The following GNAQ variants were observed in gnomAD, a reference collection of about 807,000 sequenced individuals.
GNAQ encodes the protein guanine nucleotide-binding protein G(q) subunit alpha.
GNAQ carries 8 observed loss-of-function variants against 43.9 expected under a neutral mutation model. That is an observed-to-expected ratio of 0.18 (90% CI 0.11 to 0.33). The LOEUF (loss-of-function observed/expected upper bound fraction) is 0.33, where lower values mean the gene tolerates loss of function less well. Ranked by LOEUF, GNAQ falls within the 10% of genes least tolerant of loss-of-function variation. The pLI is 1.00. For missense variants in GNAQ, 158 were observed against 450.8 expected (o/e 0.35, Z 5.88); for synonymous variants, 155 against 170.7 (o/e 0.91, Z 0.71).
intron 6 of GNAQ, among the ~76,000 whole-genome samples, chr9:77,727,274 T>C (rs1419544227): frequency 6.6e-6 from 1 of 152,052 alleles, no homozygotes; most frequent in African/African-American, 2.4e-5. Flanking sequence ...CACCTCAGTC[T>C]CCCAAAGTGC....
At chr9:77,992,951 TA>T in intron 1 of GNAQ, among the ~76,000 whole-genome samples, 1 of 151,984 alleles carries the variant, frequency 6.6e-6, no homozygotes, top group Non-Finnish European at 1.5e-5. Flanking sequence ...ATCTCAAAAA[TA>T]AAAAAGGAAA....
chr9:77,932,859 C>A (rs967281681), intron 1 of GNAQ, among the ~76,000 whole-genome samples: 30 of 151,942 alleles, frequency 2.0e-4, no homozygotes, highest in African/African-American at 7.2e-4. Context: ...GTAGGGTATT[C>A]CAACAATCAA....
At chr9:77,749,178 C>G (rs1477717409) in intron 5 of GNAQ, among the ~76,000 whole-genome samples, 1 of 152,214 alleles carries the variant, frequency 6.6e-6, no homozygotes, top group Non-Finnish European at 1.5e-5. Context: ...GGCATTTTCT[C>G]TCTCCCCCTG....
intron 2 of GNAQ, among the ~76,000 whole-genome samples, chr9:77,832,295 G>A (rs1270296796): frequency 6.6e-6 from 1 of 152,144 alleles, no homozygotes; most frequent in Non-Finnish European, 1.5e-5. Context: ...CAGATGTCCA[G>A]TAACAAAGTT....
At chr9:77,871,184 A>G (rs1402741470) in intron 2 of GNAQ, among the ~76,000 whole-genome samples, 2 of 152,248 alleles carry the variant, frequency 1.3e-5, no homozygotes, top group African/African-American at 4.8e-5. Context: ...TATTACAATT[A>G]CACATGATAG....
chr9:77,891,564 G>T (rs939928962), intron 2 of GNAQ, among the ~76,000 whole-genome samples: 2 of 152,134 alleles, frequency 1.3e-5, no homozygotes, highest in African/African-American at 4.8e-5. Flanking sequence ...TGTATTATAC[G>T]ATTGTCATCT....
At chr9:77,854,238 T>TA (rs548447687) in intron 2 of GNAQ, among the ~76,000 whole-genome samples, 1 of 152,194 alleles carries the variant, frequency 6.6e-6, no homozygotes, top group Non-Finnish European at 1.5e-5. Flanking sequence ...AAAAGACTAT[T>TA]AAAGATACAA....
chr9:77,823,218 C>T (rs1827143378), intron 2 of GNAQ, among the ~76,000 whole-genome samples: 1 of 152,064 alleles, frequency 6.6e-6, no homozygotes, highest in Admixed American at 6.5e-5. Flanking sequence ...GGATTACAGG[C>T]GTGAGCCACC....
rs563301230 is a variant in GNAQ, at chr9:77,979,271, G to A, written c.136+51829C>T. Among the ~76,000 whole-genome samples, 6 of 151,616 alleles carry A rather than the reference G, an allele frequency of 4.0e-5. No individual in the cohort carries two copies. In the East Asian group the frequency reaches 1.2e-3, roughly 29 times the overall value. On this transcript the variant is annotated intron_variant, in intron 1 of 6. Transcript: ENST00000286548. ...CTCGGGACGCTGAGGCTGGAGAATTGCTTGAACACAGGAGGTAGAGGTTGC... is the reference window on the plus strand; with the variant it reads ...CTCGGGACGCTGAGGCTGGAGAATTACTTGAACACAGGAGGTAGAGGTTGC...
At chr9:77,751,369 T>C (rs1025191644) in intron 5 of GNAQ, among the ~76,000 whole-genome samples, 1 of 152,204 alleles carries the variant, frequency 6.6e-6, no homozygotes, top group Non-Finnish European at 1.5e-5. Flanking sequence ...ATTGAATACA[T>C]GGGCCTGAAA....
chr9:77,964,817 C>T (rs1288857602), intron 1 of GNAQ, among the ~76,000 whole-genome samples: 1 of 151,968 alleles, frequency 6.6e-6, no homozygotes, highest in East Asian at 1.9e-4. Context: ...TAGGTAGTAC[C>T]AGACACCTGT....
chr9:77,814,983 A>G (rs572316201), intron 3 of GNAQ, among the ~76,000 whole-genome samples: 2 of 152,358 alleles, frequency 1.3e-5, no homozygotes, highest in South Asian at 4.1e-4. Flanking sequence ...GAGAAGTAAT[A>G]GATTTCTAGG....
In GNAQ at chr9:78,011,170, T is replaced by C. The variant is rs551859095; in HGVS notation, c.136+19930A>G. ...AGGACAAACAGAATCAGTTGTGAGA[T>C]GAAGCAAAGTTCATAGTAGCCACTG... On this transcript the variant is annotated intron_variant, in intron 1 of 6. Transcript: ENST00000286548. Among the ~76,000 whole-genome samples the C allele has an allele frequency of 4.6e-5, 7 of 152,298 alleles. No individual in the cohort carries two copies. In the East Asian group the frequency reaches 9.7e-4, roughly 21 times the overall value.
chr9:77,770,237 A>C (rs1826202148), intron 5 of GNAQ, among the ~76,000 whole-genome samples: 1 of 152,314 alleles, frequency 6.6e-6, no homozygotes, highest in East Asian at 1.9e-4. Flanking sequence ...TCTGTGGATA[A>C]GAGGAGAAAG....
intron 1 of GNAQ, among the ~76,000 whole-genome samples, chr9:78,003,491 G>T (rs1156724330): frequency 6.6e-6 from 1 of 152,148 alleles, no homozygotes; most frequent in Non-Finnish European, 1.5e-5. Context: ...TTGTGTTACA[G>T]AATCTTTATC....
intron 1 of GNAQ, among the ~76,000 whole-genome samples, chr9:77,954,982 C>G (rs1455519885): frequency 1.3e-5 from 2 of 152,064 alleles, no homozygotes; most frequent in African/African-American, 4.8e-5. Context: ...TCTGTTAAAC[C>G]AGGCCTCTCC....
intron 2 of GNAQ, among the ~76,000 whole-genome samples, chr9:77,839,070 C>A (rs954942842): frequency 1.3e-5 from 2 of 152,196 alleles, no homozygotes; most frequent in African/African-American, 4.8e-5. Flanking sequence ...GCCTCTTTCC[C>A]TTCCCTGATG....
intron 1 of GNAQ, among the ~76,000 whole-genome samples, chr9:77,980,286 A>C (rs1823353220): frequency 6.6e-6 from 1 of 152,216 alleles, no homozygotes; most frequent in Non-Finnish European, 1.5e-5. Flanking sequence ...GCTGAGTAAC[A>C]CCAGATCTTG....
intron 2 of GNAQ, among the ~76,000 whole-genome samples, chr9:77,858,920 G>A (rs930725806): frequency 7.2e-5 from 11 of 151,890 alleles, no homozygotes; most frequent in African/African-American, 2.2e-4. Flanking sequence ...CACTCCTTCC[G>A]TTGGTGCCTC....
Sources: gnomAD v4.1 joint callset for allele counts (sites outside exome capture counted in the v4.1 genomes callset) on GRCh38, gnomAD v4.1.1 for gene constraint, MANE v1.5 for transcripts, NCBI Gene and HGNC (gene_info 2026-07-23, HGNC 2026-07-21) for gene names.